Variants in SUGCT observed in about 807,000 individuals in gnomAD.
SUGCT encodes succinyl-CoA:glutarate CoA-transferase.
A neutral mutation model predicts 55.0 loss-of-function variants in SUGCT; 41 were observed. That is an observed-to-expected ratio of 0.74 (90% CI 0.58 to 0.97). The LOEUF (loss-of-function observed/expected upper bound fraction) is 0.97. SUGCT is among the 50% of genes least tolerant of loss of function. The pLI, the probability that SUGCT is intolerant of heterozygous loss-of-function variation, is 0.00. For missense variants in SUGCT, 568 were observed against 547.8 expected, an observed-to-expected ratio of 1.04 and a Z score of -0.37; for synonymous variants, 187 against 200.4, an observed-to-expected ratio of 0.93 and a Z score of 0.56.
chr7:40,773,751 G>T (rs187931602), intron 13 of SUGCT, among the ~76,000 whole-genome samples: 6 of 152,262 alleles, frequency 3.9e-5, no homozygotes, highest in Admixed American at 3.9e-4. Context: ...GAAAATTAGT[G>T]TGGAAAATTA....
intron 13 of SUGCT, among the ~76,000 whole-genome samples, chr7:40,815,956 G>A (rs1381695146): frequency 2.0e-5 from 3 of 152,230 alleles, no homozygotes; most frequent in Non-Finnish European, 4.4e-5. Context: ...CTGCCTGAGG[G>A]TGAAATGGAG....
intron 1 of SUGCT, among the ~76,000 whole-genome samples, chr7:40,155,967 C>T (rs960107294): frequency 1.3e-5 from 2 of 151,744 alleles, no homozygotes; most frequent in African/African-American, 4.8e-5. Flanking sequence ...AAGCCATTCT[C>T]CTGCCTCAGC....
intron 9 of SUGCT, among the ~76,000 whole-genome samples, chr7:40,411,617 G>C (rs1034002113): frequency 2.0e-5 from 3 of 152,128 alleles, no homozygotes; most frequent in African/African-American, 7.2e-5. Context: ...GGCCAGGAAA[G>C]GTAGCAGGGA....
chr7:40,456,845 G>A (rs1389927579), intron 10 of SUGCT, among the ~76,000 whole-genome samples: 1 of 152,138 alleles, frequency 6.6e-6, no homozygotes, highest in Admixed American at 6.6e-5. Context: ...GCAGCAATGA[G>A]CAAGGGAGGA....
chr7:40,158,698 T>A (rs1351909550), intron 1 of SUGCT, among the ~76,000 whole-genome samples: 1 of 152,038 alleles, frequency 6.6e-6, no homozygotes, highest in Non-Finnish European at 1.5e-5. Flanking sequence ...TGCAGTGAGC[T>A]GAGATTGTGC....
chr7:40,237,591 C>T, intron 6 of SUGCT, 44 bp from the exon 7 acceptor site: 1 of 1,480,572 alleles, frequency 6.8e-7, no homozygotes, highest in Non-Finnish European at 9.4e-7. Context: ...GTGGTTTTAG[C>T]ACACCCTGTG....
chr7:40,252,209 C>T (rs146949922), intron 7 of SUGCT, among the ~76,000 whole-genome samples: 16 of 152,210 alleles, frequency 1.1e-4, no homozygotes, highest in African/African-American at 3.1e-4. Context: ...GTCACTGCAG[C>T]GTCGAGCTCC....
chr7:40,486,549 G>A (rs1791361225), intron 11 of SUGCT, among the ~76,000 whole-genome samples: 1 of 151,818 alleles, frequency 6.6e-6, no homozygotes, highest in African/African-American at 2.4e-5. Flanking sequence ...GTTCCATGAG[G>A]TGCATGATTA....
At chr7:40,148,099 G>C (rs1788358085) in intron 1 of SUGCT, among the ~76,000 whole-genome samples, 1 of 151,534 alleles carries the variant, frequency 6.6e-6, no homozygotes, top group Non-Finnish European at 1.5e-5. Flanking sequence ...GAGTGGTTTG[G>C]CGGGAAAAAT....
At chr7:40,181,288 CTA>C (rs1048898195) in intron 2 of SUGCT, among the ~76,000 whole-genome samples, 2 of 151,770 alleles carry the variant, frequency 1.3e-5, no homozygotes, top group African/African-American at 2.4e-5. Context: ...TAATATTTTC[CTA>C]TGTTATTCAA....
the SUGCT span, among the ~76,000 whole-genome samples, chr7:41,033,055 T>A: frequency 6.6e-6 from 1 of 152,156 alleles, no homozygotes; most frequent in South Asian, 2.1e-4. Flanking sequence ...AGCCACTGCG[T>A]GGGGCCAAAA....
At chr7:40,820,075 G>A (rs1312401290) in intron 13 of SUGCT, among the ~76,000 whole-genome samples, 3 of 152,156 alleles carry the variant, frequency 2.0e-5, no homozygotes, top group South Asian at 2.1e-4. Flanking sequence ...TTGTAGATGT[G>A]TGGTATTATT....
At chr7:40,280,348 G>T (rs1210077010) in intron 8 of SUGCT, among the ~76,000 whole-genome samples, 1 of 152,154 alleles carries the variant, frequency 6.6e-6, no homozygotes, top group African/African-American at 2.4e-5. Context: ...TTCTTTAGAT[G>T]ATATTGGTAA....
chr7:40,519,427 A>G (rs537464643), intron 12 of SUGCT, among the ~76,000 whole-genome samples: 1 of 152,130 alleles, frequency 6.6e-6, no homozygotes, highest in Admixed American at 6.6e-5. Context: ...AGTACATAGG[A>G]ACCCTTTGTA....
chr7:40,204,565 G>A (rs935244305), intron 6 of SUGCT, among the ~76,000 whole-genome samples: 1 of 151,908 alleles, frequency 6.6e-6, no homozygotes, highest in African/African-American at 2.4e-5. Flanking sequence ...GCCTCCCAAA[G>A]TGCTGGGATT....
chr7:40,985,784 A>G, the SUGCT span, among the ~76,000 whole-genome samples: 1 of 152,210 alleles, frequency 6.6e-6, no homozygotes, highest in Admixed American at 6.5e-5. Flanking sequence ...TCTGTATCTT[A>G]GAAAGATCAC....
the SUGCT span, among the ~76,000 whole-genome samples, chr7:40,999,543 C>T: frequency 2.6e-5 from 4 of 152,108 alleles, no homozygotes; most frequent in Non-Finnish European, 5.9e-5. Flanking sequence ...AATAGTGCCT[C>T]GCATGTACTT....
chr7:40,406,549 G>T (rs1470040501), intron 9 of SUGCT, among the ~76,000 whole-genome samples: 1 of 152,150 alleles, frequency 6.6e-6, no homozygotes, highest in East Asian at 1.9e-4. Context: ...ATGGAGACAG[G>T]TCAGATTTCT....
chr7:41,028,896 T>C, the SUGCT span, among the ~76,000 whole-genome samples: 1 of 152,174 alleles, frequency 6.6e-6, no homozygotes, highest in African/African-American at 2.4e-5. Flanking sequence ...GCCTCCCTCA[T>C]GGGCTTGTTG....
Sources: gnomAD v4.1 joint callset for allele counts (sites outside exome capture counted in the v4.1 genomes callset) on GRCh38, gnomAD v4.1.1 for gene constraint, MANE v1.5 for transcripts, NCBI Gene and HGNC (gene_info 2026-07-23, HGNC 2026-07-21) for gene names.